The following MMP24 variants were observed in gnomAD, a reference collection of about 807,000 sequenced individuals.
The protein encoded by MMP24 is matrix metalloproteinase-24.
MMP24 carries 25 observed loss-of-function variants against 62.8 expected under a neutral mutation model. The ratio of observed to expected loss-of-function variants is 0.40; its 90% CI spans 0.29 to 0.56. The LOEUF (loss-of-function observed/expected upper bound fraction) is 0.56. Ranked by LOEUF, MMP24 falls within the 20% of genes least tolerant of loss-of-function variation. MMP24 has a pLI of 0.50. For missense variants in MMP24, 634 were observed against 853.6 expected (o/e 0.74, Z 3.21); for synonymous variants, 319 against 350.5 (o/e 0.91, Z 1.00).
In MMP24 at chr20:35,269,379, G is replaced by A. The variant is rs1381769457; in HGVS notation, c.1195-381G>A. Among the ~76,000 whole-genome samples, 5 of 152,164 alleles carry A rather than the reference G, an allele frequency of 3.3e-5. No homozygotes were observed. Among genetic ancestry groups the A allele is most frequent in the Non-Finnish European group, 7.3e-5 (5 of 68,028 alleles). On this transcript the variant is annotated intron_variant, in intron 6 of 8. Coordinates refer to ENST00000246186, the MANE Select transcript of MMP24 (RefSeq NM_006690.4). The surrounding 1 kb of genome is among the most constrained non-coding windows in gnomAD (Gnocchi z 4.6). ...GGAGCCAGCCTCATGGAGGGCGCTC[G>A]GCCCAGGCTCAGTGACCACCCCAGC...
rs557883906 is a variant in MMP24 at position 35,241,895 on chromosome 20, A to G, written c.247-4945A>G. Among the ~76,000 whole-genome samples the G allele has an allele frequency of 1.2e-4, 19 of 152,352 alleles. No individual in the cohort carries two copies. In the South Asian group the frequency reaches 3.9e-3, roughly 32 times the overall value. On this transcript the variant is annotated intron_variant, in intron 1 of 8. Transcript: ENST00000246186. ...GGCTTGTGAGTAGTTATCTGTTCAG[A>G]GGTCCCTAGCTATTTCCCAAATGGT...
At position 35,271,451 on chromosome 20, in the gene MMP24, CAACTCT is replaced by C; in HGVS notation, c.1334-113_1334-108del. 7.5e-7 allele frequency: 1 copy of C among 1,340,068 alleles called. No individual in the cohort carries two copies. Among genetic ancestry groups the C allele is most frequent in the Non-Finnish European group, 1.0e-6 (1 of 992,758 alleles). 83.0% of individuals were successfully genotyped at this position (1,340,068 alleles called of 1,614,324 possible). The stretch of plus-strand genomic sequence containing the variant: ...CTGGCCTCAGGCTTCGTGCCCTTCC[CAACTCT>C]AACTGGGCCAAGGGGCTGAGGGCAT... On this transcript the variant is annotated intron_variant, in intron 7 of 8. Transcript: ENST00000246186. This position sits in a 1 kb window ranked among gnomAD's most constrained non-coding sequence, Gnocchi z 4.0.
chr20:35,258,829 G>A (rs1050950255), intron 4 of MMP24, among the ~76,000 whole-genome samples: 1 of 151,400 alleles, frequency 6.6e-6, no homozygotes, highest in South Asian at 2.1e-4. Flanking sequence ...GATTGCCTAC[G>A]TCCCAAACCA....
Position 35,271,855 on chromosome 20 carries a change from G to A in MMP24, c.1600+20G>A. 2 of 1,595,992 alleles carry A rather than the reference G, an allele frequency of 1.3e-6. No homozygotes were observed. The highest frequency in any genetic ancestry group is 1.7e-6 in the Non-Finnish European group (2 of 1,172,372). ...AAGGATGTACGTAAGGGCCGGGCCA[G>A]GGTGGGCATGGGGAGCCGGTTTTAT... On this transcript the variant is annotated intron_variant, in intron 8 of 8. Coordinates refer to ENST00000246186, the MANE Select transcript of MMP24 (RefSeq NM_006690.4). The surrounding 1 kb of genome is among the most constrained non-coding windows in gnomAD (Gnocchi z 4.0).
rs1028429394 is a variant in MMP24 at position 35,276,188 on chromosome 20, G to C, written c.*1579G>C. 45 of 398,650 alleles carry C rather than the reference G, an allele frequency of 1.1e-4. No homozygotes were observed. The highest frequency in any genetic ancestry group is 1.2e-3 in the Middle Eastern group (2 of 1,610). The allele number at this position is 398,650 out of a possible 1,614,324, so 24.7% of individuals were successfully genotyped here. On this transcript the variant is annotated 3_prime_UTR_variant, in exon 9 of 9. Transcript: ENST00000246186. ...CACAGACAGGGACTCCTGCTGCCCT[G>C]GGAGCTGTCTCAAGCAAAATCTCTT...
rs867680388 is a variant in MMP24 at position 35,238,667 on chromosome 20, C to T, written c.247-8173C>T. On this transcript the variant is annotated intron_variant, in intron 1 of 8. Transcript: ENST00000246186. ...TCAGGGCATTCACACTTACTGTTCCCTCATCCTGGAACACGCTTTCCTAGT... is the reference window on the plus strand; with the variant it reads ...TCAGGGCATTCACACTTACTGTTCCTTCATCCTGGAACACGCTTTCCTAGT... Among the ~76,000 whole-genome samples the T allele has an allele frequency of 2.1e-4, 32 of 152,136 alleles. 1 individual carries two copies. Among genetic ancestry groups the T allele is most frequent in the Admixed American group, 1.2e-3 (19 of 15,280 alleles).
At chr20:35,268,626 A>T (rs2425037) in intron 6 of MMP24, among the ~76,000 whole-genome samples, 23,107 of 152,290 alleles carry the variant, frequency 0.15, 1,897 homozygotes, top group African/African-American at 0.21. Context: ...CTTTTGTACC[A>T]TCTTTTACAA....
intron 5 of MMP24, among the ~76,000 whole-genome samples, chr20:35,266,290 T>C (rs1369632413): frequency 7.0e-6 from 1 of 142,334 alleles, no homozygotes; most frequent in Non-Finnish European, 1.5e-5. Context: ...AGGCAGAGGT[T>C]GCAGTGAGCT....
chr20:35,229,028 A>G (rs2060426889), intron 1 of MMP24, among the ~76,000 whole-genome samples: 1 of 152,160 alleles, frequency 6.6e-6, no homozygotes, highest in African/African-American at 2.4e-5. Context: ...GGAACAATCT[A>G]TAATAGCTCC....
intron 2 of MMP24, among the ~76,000 whole-genome samples, chr20:35,248,321 G>C (rs984062453): frequency 2.0e-5 from 1 of 48,814 alleles, no homozygotes; most frequent in African/African-American, 9.4e-5. Flanking sequence ...TTTTTTTTTT[G>C]ATGAGATGAA....
intron 7 of MMP24, among the ~76,000 whole-genome samples, chr20:35,270,970 G>A (rs754684292): frequency 2.0e-5 from 3 of 152,322 alleles, no homozygotes; most frequent in South Asian, 4.1e-4. Flanking sequence ...AACCCAGGAA[G>A]TGGAGGTTGT....
intron 4 of MMP24, among the ~76,000 whole-genome samples, chr20:35,255,690 G>A (rs978017739): frequency 6.6e-6 from 1 of 152,150 alleles, no homozygotes; most frequent in Admixed American, 6.6e-5. Flanking sequence ...GAAGAGTTGG[G>A]GCTCAACTGG....
At chr20:35,235,904 CCTGA>C (rs1367540248) in intron 1 of MMP24, among the ~76,000 whole-genome samples, 1 of 152,076 alleles carries the variant, frequency 6.6e-6, no homozygotes, top group Non-Finnish European at 1.5e-5. Flanking sequence ...TGGCCACACT[CCTGA>C]CTGTGGGCAG....
chr20:35,236,269 C>CT (rs1434131491), intron 1 of MMP24: 3 of 152,212 alleles, frequency 2.0e-5, no homozygotes, highest in South Asian at 2.1e-4. Context: ...AGAAAACCCT[C>CT]TGAGAGGCAG....
intron 1 of MMP24, among the ~76,000 whole-genome samples, chr20:35,234,885 C>T (rs189653459): frequency 3.8e-4 from 58 of 152,096 alleles, no homozygotes; most frequent in African/African-American, 1.3e-3. Flanking sequence ...CCAGCCTGAG[C>T]GACAGAGCAG....
At chr20:35,254,818 G>T in intron 4 of MMP24, 64 bp downstream of exon 4, 1 of 1,513,760 alleles carries the variant, frequency 6.6e-7, no homozygotes, top group South Asian at 1.3e-5. Context: ...GAACTTGGAG[G>T]ACATCCTAGA....
intron 5 of MMP24, among the ~76,000 whole-genome samples, chr20:35,264,678 A>G (rs141659063): frequency 2.9e-4 from 38 of 133,206 alleles, no homozygotes; most frequent in South Asian, 8.1e-4. Flanking sequence ...ACTGCACTCC[A>G]GCCTGGGCAA....
intron 1 of MMP24, among the ~76,000 whole-genome samples, chr20:35,227,397 G>A (rs1340141027): frequency 6.6e-6 from 1 of 151,376 alleles, no homozygotes; most frequent in Non-Finnish European, 1.5e-5. Flanking sequence ...GAGGGGGAGG[G>A]CGGAGGAAGG....
intron 1 of MMP24, among the ~76,000 whole-genome samples, chr20:35,245,338 C>T (rs2060508870): frequency 6.6e-6 from 1 of 152,186 alleles, no homozygotes; most frequent in African/African-American, 2.4e-5. Flanking sequence ...ATAAAGAATT[C>T]TTGAATGCTC....
Sources: gnomAD v4.1 joint callset for allele counts (sites outside exome capture counted in the v4.1 genomes callset) on GRCh38, gnomAD v4.1.1 for gene constraint, Gnocchi (gnomAD v3.1) non-coding constraint, MANE v1.5 for transcripts, NCBI Gene and HGNC (gene_info 2026-07-23, HGNC 2026-07-21) for gene names.